SLC4A5: variants seen among roughly 807,000 people sequenced by gnomAD.
SLC4A5 encodes solute carrier family 4 member 5, also known as electrogenic sodium bicarbonate cotransporter 4.
A neutral mutation model predicts 120.4 loss-of-function variants in SLC4A5; 96 were observed. The ratio of observed to expected loss-of-function variants is 0.80; its 90% CI spans 0.68 to 0.94. SLC4A5 has a LOEUF of 0.94. Among genes scored for constraint, SLC4A5 ranks in the 40% least tolerant of loss-of-function variants. SLC4A5 has a pLI of 0.00. For missense variants in SLC4A5, 1,259 were observed against 1,459.5 expected, an observed-to-expected ratio of 0.86 and a Z score of 2.24; for synonymous variants, 550 against 571.1, an observed-to-expected ratio of 0.96 and a Z score of 0.53.
intron 27 of SLC4A5, 151 bp downstream of exon 27, chr2:74,226,806 C>A: frequency 1.2e-6 from 1 of 868,142 alleles, no homozygotes; most frequent in Non-Finnish European, 1.8e-6. Context: ...CAACTCAAAT[C>A]AGGTCATTCT....
intron 6 of SLC4A5, chr2:74,307,095 A>G (rs1360986244): frequency 5.4e-6 from 3 of 560,042 alleles, no homozygotes; most frequent in African/African-American, 3.7e-5. Flanking sequence ...GTCCAGGTCA[A>G]TCTCCAAGGA....
intron 7 of SLC4A5, among the ~76,000 whole-genome samples, chr2:74,294,174 T>A (rs1035823639): frequency 6.6e-6 from 1 of 152,142 alleles, no homozygotes; most frequent in South Asian, 2.1e-4. Context: ...CAAGGCTAGC[T>A]GAGAAATTCA....
chr2:74,268,278 G>A (rs368837081), intron 8 of SLC4A5, among the ~76,000 whole-genome samples: 1 of 152,182 alleles, frequency 6.6e-6, no homozygotes, highest in African/African-American at 2.4e-5. Context: ...CCAACCAGGA[G>A]GCATCATGCT....
chr2:74,247,983 G>C (rs1670669335), intron 18 of SLC4A5, among the ~76,000 whole-genome samples: 4 of 152,168 alleles, frequency 2.6e-5, no homozygotes, highest in Admixed American at 2.6e-4. Context: ...TCATGTTGTA[G>C]AGGAGGCAAC....
chr2:74,266,044 C>A (rs1573043370), intron 8 of SLC4A5, among the ~76,000 whole-genome samples: 1 of 152,258 alleles, frequency 6.6e-6, no homozygotes, highest in East Asian at 1.9e-4. Flanking sequence ...CAAGGGAGGA[C>A]TTTTGGACCA....
At chr2:74,244,948 A>G (rs1670563848) in intron 19 of SLC4A5, among the ~76,000 whole-genome samples, 1 of 152,142 alleles carries the variant, frequency 6.6e-6, no homozygotes, top group African/African-American at 2.4e-5. Context: ...GTCCCTCATA[A>G]TGCACCTTAT....
At chr2:74,293,859 C>A (rs1387948883) in intron 7 of SLC4A5, among the ~76,000 whole-genome samples, 1 of 152,046 alleles carries the variant, frequency 6.6e-6, no homozygotes, top group Non-Finnish European at 1.5e-5. Context: ...TTTCTGAGTA[C>A]CTTCTTGAAA....
At position 74,264,174 on chromosome 2, in the gene SLC4A5, C is replaced by T. The variant is rs1258958573; in HGVS notation, c.688G>A (p.Asp230Asn). The change falls in exon 10 of 31, where the codon GAC becomes AAC. Residue 230 changes from aspartate to asparagine, a missense_variant. Coordinates refer to ENST00000394019, the Ensembl canonical transcript of SLC4A5. ...GTGGTGGAGACTGACTTCCCAATGT[C>T]AGCTAAGGAGCGGTGGATGGGCTTC... is the stretch of plus-strand genomic sequence containing the variant. 3 of 1,614,120 alleles carry T rather than the reference C, an allele frequency of 1.9e-6. No individual in the cohort carries two copies. The South Asian group carries it at 3.3e-5, about 18-fold the overall frequency.
chr2:74,221,316 C>T, intron 30 of SLC4A5, 118 bp downstream of exon 30: 1 of 679,986 alleles, frequency 1.5e-6, no homozygotes, highest in Admixed American at 3.0e-5. Context: ...CAGTTGGGGG[C>T]CAGCAAGGGC....
intron 8 of SLC4A5, among the ~76,000 whole-genome samples, chr2:74,283,447 C>G (rs139021083): frequency 6.6e-6 from 1 of 152,302 alleles, no homozygotes; most frequent in Non-Finnish European, 1.5e-5. Context: ...AGATGTGGAG[C>G]TGGGGATTTG....
chr2:74,303,213 C>T (rs545304358), intron 7 of SLC4A5, among the ~76,000 whole-genome samples: 1 of 152,206 alleles, frequency 6.6e-6, no homozygotes, highest in East Asian at 1.9e-4. Flanking sequence ...CCTACAAAGG[C>T]ACATTTACTC....
At position 74,277,442 on chromosome 2, in the gene SLC4A5, G is replaced by A. The variant is rs563281870; in HGVS notation, c.401+8331C>T. On this transcript the variant is annotated intron_variant, in intron 8 of 30. Transcript: ENST00000394019. ...TGGGCGCCTGTAATCCCAGCTACTC[G>A]GGAGGCTGAGGCAGGAGAATCGCTT... Among the ~76,000 whole-genome samples, 27 of 152,272 alleles carry A rather than the reference G, an allele frequency of 1.8e-4. 1 individual carries two copies. In the East Asian group the frequency reaches 4.6e-3, roughly 26 times the overall value.
Position 74,221,515 on chromosome 2 carries a change from G to T in SLC4A5, c.3332-14C>A, listed in dbSNP as rs201127104. 10 of 1,613,794 alleles carry T rather than the reference G, an allele frequency of 6.2e-6. No homozygotes were observed. The Admixed American group carries it at 1.0e-4, about 16-fold the overall frequency. On this transcript the variant is annotated splice_polypyrimidine_tract_variant and intron_variant, in intron 29 of 30. Coordinates refer to ENST00000394019, the Ensembl canonical transcript of SLC4A5. ...AAGATCTTTTTCCTGGCAGGAAAAT[G>T]AAAAATGTCAGATGTGGAGCAGGTT...
intron 5 of SLC4A5, among the ~76,000 whole-genome samples, chr2:74,323,332 A>G (rs1673140656): frequency 6.6e-6 from 1 of 152,198 alleles, no homozygotes; most frequent in African/African-American, 2.4e-5. Context: ...CCAAACTACC[A>G]GTCCAGAGTA....
intron 30 of SLC4A5, among the ~76,000 whole-genome samples, chr2:74,221,007 AT>A (rs1338240373): frequency 4.8e-5 from 7 of 144,984 alleles, no homozygotes; most frequent in East Asian, 4.1e-4. Flanking sequence ...TGCCCAGCTA[AT>A]TTTTTTGTAT....
Position 74,231,321 on chromosome 2 carries a change from A to T in SLC4A5, c.2775-13T>A. On this transcript the variant is annotated splice_polypyrimidine_tract_variant and intron_variant, in intron 24 of 30. Transcript: ENST00000394019. Reference sequence around the variant, plus strand: ...TACTCTCTGTTCCCTGGCAGAGAAGAACACATGGTCAGGGTGTACCAGGAA... The same window carrying T: ...TACTCTCTGTTCCCTGGCAGAGAAGTACACATGGTCAGGGTGTACCAGGAA... 6.2e-7 allele frequency: 1 copy of T among 1,609,134 alleles called. No individual in the cohort carries two copies. Among genetic ancestry groups the T allele is most frequent in the South Asian group, 1.1e-5 (1 of 89,588 alleles).
chr2:74,248,521 AAGG>A lies in SLC4A5; in HGVS notation c.1654-38_1654-36del, dbSNP rs775353070. ...CAAGGAATGTGTGGTTCAGCATAGG[AAGG>A]AGAAGCGGTCTCTCCACACAGGCTG... On this transcript the variant is annotated intron_variant, in intron 17 of 30. Transcript: ENST00000394019. The A allele has an allele frequency of 1.6e-5, 25 of 1,611,688 alleles. No homozygotes were observed. In the East Asian group the frequency reaches 2.0e-4, roughly 13 times the overall value.
At position 74,324,393 on chromosome 2, in the gene SLC4A5, T is replaced by C. The variant is rs10210286; in HGVS notation, c.-3+3727A>G. ...CTTCCATCTCAGTCTCCAAAGTAGG[T>C]GGGATTACACGTGTGAGCAGCTCCA... On this transcript the variant is annotated intron_variant, in intron 5 of 30. Coordinates refer to ENST00000394019, the Ensembl canonical transcript of SLC4A5. 9.8e-3 allele frequency among the ~76,000 whole-genome samples: 1,491 copies of C among 152,086 alleles called. 15 individuals carry two copies. The highest frequency in any genetic ancestry group is 0.018 in the African/African-American group (744 of 41,492).
At chr2:74,265,062 C>A in intron 9 of SLC4A5, 42 bp downstream of exon 9, 1 of 1,581,782 alleles carries the variant, frequency 6.3e-7, no homozygotes, top group Non-Finnish European at 8.6e-7. Flanking sequence ...CCCTGGTTTG[C>A]AGGGACCACA....
Sources: allele counts gnomAD v4.1 joint callset (sites outside exome capture counted in the v4.1 genomes callset), GRCh38; gene constraint gnomAD v4.1.1; transcripts MANE v1.5; gene names NCBI Gene and HGNC (gene_info 2026-07-23, HGNC 2026-07-21).